The following RCOR1 variants were observed in gnomAD, a reference collection of about 807,000 sequenced individuals.
RCOR1 encodes the protein REST corepressor.
A neutral mutation model predicts 64.0 loss-of-function variants in RCOR1; 12 were observed. The observed-to-expected ratio is 0.19, with a 90% confidence interval of 0.12 to 0.30. The LOEUF (loss-of-function observed/expected upper bound fraction) is 0.30, where lower values mean the gene tolerates loss of function less well. Ranked by LOEUF, RCOR1 falls within the 10% of genes least tolerant of loss-of-function variation. RCOR1 has a pLI of 1.00. For missense variants in RCOR1, 502 were observed against 621.2 expected, an observed-to-expected ratio of 0.81 and a Z score of 2.04; for synonymous variants, 279 against 227.2, an observed-to-expected ratio of 1.23 and a Z score of -2.05.
intron 2 of RCOR1, among the ~76,000 whole-genome samples, chr14:102,595,460 A>G (rs1893222390): frequency 6.6e-6 from 1 of 152,164 alleles, no homozygotes; most frequent in African/African-American, 2.4e-5. Flanking sequence ...TGGCCATTGC[A>G]CTCCAGCCTG....
Position 102,727,281 on chromosome 14 carries a change from AC to A in RCOR1, c.*783del, listed in dbSNP as rs11380772. The A allele has an allele frequency of 0.013, 1,509 of 118,250 alleles. 8 individuals carry two copies. The highest frequency in any genetic ancestry group is 0.018 in the Admixed American group (207 of 11,312). 7.3% of individuals were successfully genotyped at this position (118,250 alleles called of 1,614,324 possible). A position where few individuals can be genotyped will look rare whatever the true frequency, so the allele number is the denominator to read the frequency against. On this transcript the variant is annotated 3_prime_UTR_variant, in exon 12 of 12. Transcript: ENST00000262241. The stretch of plus-strand genomic sequence containing the variant: ...GTGGTTGCCACCCCATCTTTTCCTG[AC>A]CCCCCCCACCCCCCCACCTCCAAGA...
chr14:102,656,142 T>A (rs1464739413), intron 2 of RCOR1: 1 of 976,932 alleles, frequency 1.0e-6, no homozygotes, highest in African/African-American at 1.8e-5. Flanking sequence ...TTTTTATTTT[T>A]TTTATTTTTT....
rs1303048275 is a variant in RCOR1 at position 102,721,358 on chromosome 14, G to C, written c.1170G>C (p.Glu390Asp). ...QKCNARWTTEEQLLAVQAIRK... is the reference protein window; with the variant it reads ...QKCNARWTTEDQLLAVQAIRK... The stretch of plus-strand genomic sequence containing the variant: ...GTAATGCACGTTGGACTACAGAAGA[G>C]CAGCTTCTCGCCGTACAAGGTAGGG... The change falls in exon 10 of 12, where the codon GAG becomes GAC. Residue 390 changes from glutamate to aspartate, a missense_variant. By Grantham distance (45) the Glu-to-Asp change is conservative. Transcript: ENST00000262241. The C allele has an allele frequency of 6.2e-7, 1 of 1,613,474 alleles. No homozygotes were observed. The highest frequency in any genetic ancestry group is 1.3e-5 in the African/African-American group (1 of 74,900).
intron 2 of RCOR1, among the ~76,000 whole-genome samples, chr14:102,661,008 G>T (rs1351620911): frequency 6.6e-6 from 1 of 152,168 alleles, no homozygotes; most frequent in Non-Finnish European, 1.5e-5. Flanking sequence ...GAATGTGGGG[G>T]TAGAAGTCTA....
At chr14:102,700,552 A>T (rs548796564) in intron 3 of RCOR1, among the ~76,000 whole-genome samples, 2 of 152,310 alleles carry the variant, frequency 1.3e-5, no homozygotes, top group South Asian at 2.1e-4. Context: ...AATTATTTGT[A>T]GAGACAGGAT....
chr14:102,628,152 AAACTC>A (rs1490285325), intron 2 of RCOR1, among the ~76,000 whole-genome samples: 1 of 152,122 alleles, frequency 6.6e-6, no homozygotes, highest in Non-Finnish European at 1.5e-5. Context: ...GTTCCCTCTT[AAACTC>A]AGCCTTTTTG....
intron 2 of RCOR1, among the ~76,000 whole-genome samples, chr14:102,613,095 T>C (rs1893666435): frequency 6.6e-6 from 1 of 152,046 alleles, no homozygotes; most frequent in Non-Finnish European, 1.5e-5. Context: ...CGAGTCTCGC[T>C]TTTTTTGTTT....
At chr14:102,620,700 C>T (rs1291728450) in intron 2 of RCOR1, among the ~76,000 whole-genome samples, 1 of 152,120 alleles carries the variant, frequency 6.6e-6, no homozygotes, top group Non-Finnish European at 1.5e-5. Flanking sequence ...CATCCCGGGC[C>T]ACAGAGACTC....
intron 2 of RCOR1, among the ~76,000 whole-genome samples, chr14:102,671,323 G>C (rs2403079): frequency 6.6e-6 from 1 of 152,146 alleles, no homozygotes; most frequent in East Asian, 1.9e-4. Flanking sequence ...GAGAATGTGG[G>C]AACCCAAGCA....
chr14:102,717,681 CT>C (rs1242068410), intron 8 of RCOR1, among the ~76,000 whole-genome samples: 2 of 152,064 alleles, frequency 1.3e-5, no homozygotes, highest in Admixed American at 6.6e-5. Flanking sequence ...GAGTGAGCTC[CT>C]GGTGGTTGCT....
At chr14:102,691,095 A>G (rs1381683925) in intron 3 of RCOR1, among the ~76,000 whole-genome samples, 1 of 152,226 alleles carries the variant, frequency 6.6e-6, no homozygotes, top group Non-Finnish European at 1.5e-5. Context: ...AAGCGCTAGC[A>G]GGCACTGGCG....
At chr14:102,612,347 G>T (rs909186775) in intron 2 of RCOR1, among the ~76,000 whole-genome samples, 11 of 151,974 alleles carry the variant, frequency 7.2e-5, no homozygotes, top group African/African-American at 2.7e-4. Flanking sequence ...GGGATTACAG[G>T]TGCGCGCCAC....
rs1431447914 is a variant in RCOR1 at position 102,726,755 on chromosome 14, C to T, written c.*249C>T. ...CCACGTGCTGGGGAAGTCTCACGGCCTGCACATCTCTTGTGACTCTGGGAA... is the reference window on the plus strand; with the variant it reads ...CCACGTGCTGGGGAAGTCTCACGGCTTGCACATCTCTTGTGACTCTGGGAA... On this transcript the variant is annotated 3_prime_UTR_variant, in exon 12 of 12. Transcript: ENST00000262241. The T allele has an allele frequency of 6.1e-6, 3 of 490,430 alleles. No homozygotes were observed. Among genetic ancestry groups the T allele is most frequent in the African/African-American group, 4.1e-5 (2 of 48,910 alleles). 30.4% of individuals were successfully genotyped at this position (490,430 alleles called of 1,614,324 possible). A position where few individuals can be genotyped will look rare whatever the true frequency, so the allele number is the denominator to read the frequency against.
At chr14:102,717,222 C>T (rs1002440606) in intron 8 of RCOR1, among the ~76,000 whole-genome samples, 1 of 152,210 alleles carries the variant, frequency 6.6e-6, no homozygotes, top group African/African-American at 2.4e-5. Flanking sequence ...CTCTGGAATT[C>T]AGTTTCCAGA....
rs1004944256 is a variant in RCOR1, at chr14:102,654,158, T to C, written c.362-27737T>C. Among the ~76,000 whole-genome samples the C allele has an allele frequency of 1.9e-4, 29 of 151,690 alleles. No homozygotes were observed. In the Middle Eastern group the frequency reaches 0.01, roughly 53 times the overall value. Reference sequence around the variant, plus strand: ...CTGCCACCACGCCTGGCTAATTTTTTGTATTTTTAGTAGAGACAGGGTTTC... The same window carrying C: ...CTGCCACCACGCCTGGCTAATTTTTCGTATTTTTAGTAGAGACAGGGTTTC... On this transcript the variant is annotated intron_variant, in intron 2 of 11. Coordinates refer to ENST00000262241, the MANE Select transcript of RCOR1 (RefSeq NM_015156.4).
intron 2 of RCOR1, among the ~76,000 whole-genome samples, chr14:102,609,070 G>A (rs1893575056): frequency 7.1e-6 from 1 of 140,624 alleles, no homozygotes; most frequent in Non-Finnish European, 1.5e-5. Context: ...TTTGAGACAG[G>A]CTCTTGCTCT....
intron 11 of RCOR1, 29 bp downstream of exon 11, chr14:102,722,445 C>G: frequency 6.4e-7 from 1 of 1,564,998 alleles, no homozygotes; most frequent in Non-Finnish European, 8.8e-7. Context: ...AGTCACTTCT[C>G]TTGTCAGGTT....
intron 2 of RCOR1, among the ~76,000 whole-genome samples, chr14:102,620,617 G>C (rs974939368): frequency 1.3e-4 from 20 of 152,148 alleles, no homozygotes; most frequent in African/African-American, 4.6e-4. Flanking sequence ...AGCTATTTGG[G>C]AGACTGAGCT....
chr14:102,637,477 A>T (rs1227830385), intron 2 of RCOR1, among the ~76,000 whole-genome samples: 1 of 151,860 alleles, frequency 6.6e-6, no homozygotes, highest in African/African-American at 2.4e-5. Context: ...CTGAGACAGG[A>T]TCTCACTATG....
Sources: allele counts gnomAD v4.1 joint callset (sites outside exome capture counted in the v4.1 genomes callset), GRCh38; gene constraint gnomAD v4.1.1; transcripts MANE v1.5; gene names NCBI Gene and HGNC (gene_info 2026-07-23, HGNC 2026-07-21).